CDH18: variants seen among roughly 807,000 people sequenced by gnomAD.
CDH18 encodes cadherin-18.
A neutral mutation model predicts 67.9 loss-of-function variants in CDH18; 31 were observed. The observed-to-expected ratio is 0.46, with a 90% confidence interval of 0.34 to 0.62. CDH18 has a LOEUF of 0.62. Among genes scored for constraint, CDH18 ranks in the 20% least tolerant of loss-of-function variants. The pLI is 0.01. For synonymous variants in CDH18, 362 were observed against 347.2 expected, an observed-to-expected ratio of 1.04 and a Z score of -0.48; for missense variants, 890 against 975.5, an observed-to-expected ratio of 0.91 and a Z score of 1.17.
chr5:19,928,428 G>A (rs1004065579), intron 2 of CDH18, among the ~76,000 whole-genome samples: 1 of 152,106 alleles, frequency 6.6e-6, no homozygotes, highest in African/African-American at 2.4e-5. Flanking sequence ...GCATGGTCAA[G>A]ATGACTTACT....
chr5:20,066,762 C>T (rs1743013692), intron 2 of CDH18, among the ~76,000 whole-genome samples: 1 of 151,768 alleles, frequency 6.6e-6, no homozygotes, highest in Non-Finnish European at 1.5e-5. Flanking sequence ...AGATCCTCAG[C>T]AAAAGTTTTC....
chr5:20,415,257 T>C (rs1291015840), intron 1 of CDH18, among the ~76,000 whole-genome samples: 1 of 151,588 alleles, frequency 6.6e-6, no homozygotes, highest in Non-Finnish European at 1.5e-5. Flanking sequence ...CATGGTGGTG[T>C]GTGCCTGGAA....
intron 1 of CDH18, among the ~76,000 whole-genome samples, chr5:20,480,797 C>A (rs571613890): frequency 6.6e-6 from 1 of 152,028 alleles, no homozygotes; most frequent in Non-Finnish European, 1.5e-5. Context: ...AAATGGGTTA[C>A]AATATGTTAT....
chr5:20,363,464 C>T lies in CDH18; in HGVS notation c.-579-107959G>A, dbSNP rs576931463. 2.6e-4 allele frequency among the ~76,000 whole-genome samples: 28 copies of T among 108,438 alleles called. 2 individuals are homozygous for T. In the Admixed American group the frequency reaches 2.7e-3, roughly 11 times the overall value. The allele number at this position is 108,438 out of a possible 152,430, so 71.1% of individuals were successfully genotyped here. A position where few individuals can be genotyped will look rare whatever the true frequency, so the allele number is the denominator to read the frequency against. On this transcript the variant is annotated intron_variant, in intron 1 of 14. Coordinates refer to the CDH18 transcript ENST00000507958. ...TGCACCCAGCCTGGGCAACACAGAGCGAGACTCCGTATCAAAAAAAAAAAA... is the reference window on the plus strand; with the variant it reads ...TGCACCCAGCCTGGGCAACACAGAGTGAGACTCCGTATCAAAAAAAAAAAA...
At chr5:19,903,541 G>GTATATATATATATA (rs112818883) in intron 2 of CDH18, among the ~76,000 whole-genome samples, 4,790 of 124,282 alleles carry the variant, frequency 0.039, 120 homozygotes, top group South Asian at 0.058. Flanking sequence ...GTGTGTGTGT[G>GTATATATATATATA]TATATATATA....
intron 2 of CDH18, among the ~76,000 whole-genome samples, chr5:19,963,437 A>G (rs1797110792): frequency 6.6e-6 from 1 of 151,896 alleles, no homozygotes; most frequent in Non-Finnish European, 1.5e-5. Flanking sequence ...CATAATCCCC[A>G]CTTGTCATGG....
At chr5:20,092,919 T>C (rs376903366) in intron 2 of CDH18, among the ~76,000 whole-genome samples, 1 of 152,182 alleles carries the variant, frequency 6.6e-6, no homozygotes, top group Non-Finnish European at 1.5e-5. Context: ...TATGACAGAA[T>C]CCTTAAATAA....
At chr5:20,293,045 G>A (rs2940437) in intron 1 of CDH18, among the ~76,000 whole-genome samples, 4 of 152,084 alleles carry the variant, frequency 2.6e-5, no homozygotes, top group Admixed American at 2.0e-4. Context: ...GGCCAGGTGC[G>A]GTGGCTCACG....
At chr5:20,538,914 T>TTTTTTTG (rs1343282655) in intron 1 of CDH18, among the ~76,000 whole-genome samples, 1 of 142,964 alleles carries the variant, frequency 7.0e-6, no homozygotes, top group African/African-American at 2.5e-5. Flanking sequence ...TTTTTGTTTT[T>TTTTTTTG]TTTTTTTTTT....
chr5:19,921,335 T>G (rs1052529800), intron 2 of CDH18, among the ~76,000 whole-genome samples: 2 of 152,010 alleles, frequency 1.3e-5, no homozygotes, highest in Middle Eastern at 3.2e-3. Flanking sequence ...ATTGCGACTA[T>G]CCTGGCTAAC....
At chr5:20,079,445 T>A (rs543572383) in intron 2 of CDH18, among the ~76,000 whole-genome samples, 10 of 152,292 alleles carry the variant, frequency 6.6e-5, no homozygotes, top group South Asian at 2.1e-4. Flanking sequence ...AGCACATTTT[T>A]AAAAATCTAC....
At chr5:20,374,734 A>C (rs1258982894) in intron 1 of CDH18, among the ~76,000 whole-genome samples, 1 of 152,232 alleles carries the variant, frequency 6.6e-6, no homozygotes, top group Non-Finnish European at 1.5e-5. Flanking sequence ...ATGTTCTTTC[A>C]CAAATAATTG....
chr5:20,057,657 A>T (rs1195440039), intron 2 of CDH18, among the ~76,000 whole-genome samples: 1 of 152,186 alleles, frequency 6.6e-6, no homozygotes, highest in Non-Finnish European at 1.5e-5. Flanking sequence ...TCATTTATTT[A>T]AGGGTGACAT....
intron 2 of CDH18, among the ~76,000 whole-genome samples, chr5:20,210,081 C>T (rs1186415758): frequency 1.3e-5 from 2 of 151,288 alleles, no homozygotes; most frequent in African/African-American, 4.8e-5. Context: ...TTAAAAATAA[C>T]TTAGACATAG....
At chr5:19,920,553 G>A (rs1279533354) in intron 2 of CDH18, among the ~76,000 whole-genome samples, 1 of 130,446 alleles carries the variant, frequency 7.7e-6, no homozygotes, top group Admixed American at 9.1e-5. Context: ...TTGCCCTGTC[G>A]CCTAGTCTGG....
chr5:19,994,732 TATATATAGAGAGAGAGAGAGAGAGAGAG>T lies in CDH18; in HGVS notation c.-517-2746_-517-2719del, dbSNP rs1317889442. 8.9e-3 allele frequency among the ~76,000 whole-genome samples: 112 copies of T among 12,524 alleles called. 7 individuals carry two copies. Among genetic ancestry groups the T allele is most frequent in the African/African-American group, 0.033 (97 of 2,952 alleles). The allele number at this position is 12,524 out of a possible 152,430, so 8.2% of individuals were successfully genotyped here. Reference sequence around the variant, plus strand: ...ATATATATATATATATATATATATATATATATAGAGAGAGAGAGAGAGAGAGAGAGAGAGAGAGAGAGAGAGAGAGAGA... The same window carrying T: ...ATATATATATATATATATATATATATAGAGAGAGAGAGAGAGAGAGAGAGA... On this transcript the variant is annotated intron_variant, in intron 2 of 14. Coordinates refer to the CDH18 transcript ENST00000507958.
At chr5:20,566,526 A>ATTTTTT (rs33950954) in intron 1 of CDH18, among the ~76,000 whole-genome samples, 7 of 97,376 alleles carry the variant, frequency 7.2e-5, no homozygotes, top group Non-Finnish European at 9.9e-5. Flanking sequence ...TGCCCAGCTA[A>ATTTTTT]TTTTTTTTTT....
chr5:19,931,721 G>A lies in CDH18; in HGVS notation c.-257+49339C>T, dbSNP rs1181867187. Among the ~76,000 whole-genome samples the A allele has an allele frequency of 5.3e-5, 8 of 151,702 alleles. 1 individual carries two copies. In the Admixed American group the frequency reaches 5.3e-4, roughly 10 times the overall value. ...AATGCAACAACTAATATTTTCCTTTGTTTAACACAGAATGAAATATAAGAC... is the reference window on the plus strand; with the variant it reads ...AATGCAACAACTAATATTTTCCTTTATTTAACACAGAATGAAATATAAGAC... On this transcript the variant is annotated intron_variant, in intron 2 of 12. Transcript: ENST00000382275.
chr5:19,728,299 A>G (rs879504713), intron 4 of CDH18, among the ~76,000 whole-genome samples: 1 of 152,136 alleles, frequency 6.6e-6, no homozygotes, highest in Non-Finnish European at 1.5e-5. Flanking sequence ...AATCACAAAA[A>G]TATTGTATTT....
Sources: gnomAD v4.1 joint callset for allele counts (sites outside exome capture counted in the v4.1 genomes callset) on GRCh38, gnomAD v4.1.1 for gene constraint, MANE v1.5 for transcripts, NCBI Gene and HGNC (gene_info 2026-07-23, HGNC 2026-07-21) for gene names.